Variants in RAPGEF5 observed in about 807,000 individuals in gnomAD.
The protein encoded by RAPGEF5 is Rap guanine nucleotide exchange factor 5.
A neutral mutation model predicts 125.2 loss-of-function variants in RAPGEF5; 65 were observed. The ratio of observed to expected loss-of-function variants is 0.52; its 90% CI spans 0.43 to 0.64. The LOEUF is 0.64. Among genes scored for constraint, RAPGEF5 ranks in the 30% least tolerant of loss-of-function variants. The pLI is 0.00. For missense variants in RAPGEF5, 958 were observed against 1,048.1 expected (o/e 0.91, Z 1.19); for synonymous variants, 391 against 385.9 (o/e 1.01, Z -0.16).
At chr7:22,125,486 T>C (rs1782709281) in intron 25 of RAPGEF5, 118 bp downstream of exon 25, 5 of 915,474 alleles carry the variant, frequency 5.5e-6, no homozygotes, top group East Asian at 4.9e-5. Flanking sequence ...AATATGCGTA[T>C]GTATATACAT....
At chr7:22,152,141 T>C (rs1396853321) in intron 17 of RAPGEF5, among the ~76,000 whole-genome samples, 1 of 152,224 alleles carries the variant, frequency 6.6e-6, no homozygotes, top group Non-Finnish European at 1.5e-5. Flanking sequence ...AAATGCAAAG[T>C]GTTGTTTTGA....
intron 7 of RAPGEF5, among the ~76,000 whole-genome samples, chr7:22,249,222 C>T (rs1422727293): frequency 6.6e-6 from 1 of 152,132 alleles, no homozygotes; most frequent in African/African-American, 2.4e-5. Flanking sequence ...GATGGAATCT[C>T]ACTCTGCCAC....
At chr7:22,270,270 T>C (rs1473875101) in intron 6 of RAPGEF5, among the ~76,000 whole-genome samples, 1 of 152,208 alleles carries the variant, frequency 6.6e-6, no homozygotes, top group Non-Finnish European at 1.5e-5. Context: ...GGCAGTCACC[T>C]AGGTGCTCTC....
intron 23 of RAPGEF5, among the ~76,000 whole-genome samples, chr7:22,131,753 A>G (rs1782921148): frequency 6.6e-6 from 1 of 152,208 alleles, no homozygotes; most frequent in African/African-American, 2.4e-5. Context: ...AGGAAGATAA[A>G]GTTAAATTTG....
rs931447390 is a variant in RAPGEF5, at chr7:22,219,838, C to G, written c.996+28G>C. On this transcript the variant is annotated intron_variant, in intron 9 of 25. Coordinates refer to ENST00000665637, the MANE Select transcript of RAPGEF5 (RefSeq NM_012294.5). Reference sequence around the variant, plus strand: ...AAAAACATTTTCCACCCCTTCAAACCTGCATCCCCAAGAGGCAAAAGGCTT... The same window carrying G: ...AAAAACATTTTCCACCCCTTCAAACGTGCATCCCCAAGAGGCAAAAGGCTT... The G allele has an allele frequency of 1.9e-6, 3 of 1,570,880 alleles. No individual in the cohort carries two copies. The African/African-American group carries it at 4.1e-5, about 21-fold the overall frequency.
At position 22,136,966 on chromosome 7, in the gene RAPGEF5, A is replaced by C. The variant is rs756454857; in HGVS notation, c.2295T>G (p.Phe765Leu). The C allele has an allele frequency of 4.4e-6, 7 of 1,585,886 alleles. No homozygotes were observed. In the East Asian group the frequency reaches 1.6e-4, roughly 36 times the overall value. Residue 765 changes from phenylalanine (F) to leucine (L), a missense_variant, in exon 22 of 26, where the codon TTT becomes TTG. Physicochemically the swap from Phe to Leu is conservative, Grantham distance 22 (BLOSUM62 0). Transcript: ENST00000665637. ...SQTWEKIPGK[F>L]KKLFSELESL... ...TTTCAAGTTCAGAGAAAAGTTTCTT[A>C]AACTTCCCAGGGATTTTCTAAAAAA... is the stretch of plus-strand genomic sequence containing the variant.
chr7:22,271,575 A>G (rs1288059061), intron 6 of RAPGEF5, among the ~76,000 whole-genome samples: 2 of 152,266 alleles, frequency 1.3e-5, no homozygotes, highest in African/African-American at 2.4e-5. Context: ...AATTTAAAAT[A>G]TAGTTTACTC....
intron 6 of RAPGEF5, 26 bp from the exon 7 acceptor site, chr7:22,267,038 C>A: frequency 1.9e-6 from 3 of 1,580,240 alleles, no homozygotes; most frequent in South Asian, 2.3e-5. Flanking sequence ...GGGGGAAAAT[C>A]AAATTAGAAG....
At chr7:22,279,287 G>A (rs1782622918) in intron 6 of RAPGEF5, among the ~76,000 whole-genome samples, 1 of 152,154 alleles carries the variant, frequency 6.6e-6, no homozygotes, top group African/African-American at 2.4e-5. Flanking sequence ...TTTCCTACCT[G>A]TAGATGCTTT....
intron 1 of RAPGEF5, among the ~76,000 whole-genome samples, chr7:22,322,123 TTTTTTC>T (rs903029655): frequency 5.9e-5 from 9 of 151,320 alleles, no homozygotes; most frequent in East Asian, 1.9e-4. Context: ...GTTTTTGGGG[TTTTTTC>T]TTTTTCTTTT....
At chr7:22,282,517 T>C (rs1782696519) in intron 6 of RAPGEF5, among the ~76,000 whole-genome samples, 1 of 152,222 alleles carries the variant, frequency 6.6e-6, no homozygotes, top group Admixed American at 6.5e-5. Flanking sequence ...TTTTAAGTGA[T>C]GATAATGTGG....
chr7:22,285,367 C>A (rs1190691046), intron 6 of RAPGEF5, among the ~76,000 whole-genome samples: 1 of 152,262 alleles, frequency 6.6e-6, no homozygotes, highest in Non-Finnish European at 1.5e-5. Flanking sequence ...CGAAGATTAC[C>A]CCCAGATCTT....
At position 22,266,954 on chromosome 7, in the gene RAPGEF5, G is replaced by A; in HGVS notation, c.796+10C>T. The A allele has an allele frequency of 6.2e-7, 1 of 1,603,192 alleles. No homozygotes were observed. The highest frequency in any genetic ancestry group is 8.5e-7 in the Non-Finnish European group (1 of 1,170,630). ...AGAATCTTCCTCCAGCCCCATAAAAGATGACTTACCAGACTTCCTTGCTTT... is the reference window on the plus strand; with the variant it reads ...AGAATCTTCCTCCAGCCCCATAAAAAATGACTTACCAGACTTCCTTGCTTT... On this transcript the variant is annotated intron_variant, in intron 7 of 25. Transcript: ENST00000665637.
chr7:22,267,806 G>C (rs533541033), intron 6 of RAPGEF5, among the ~76,000 whole-genome samples: 14 of 151,178 alleles, frequency 9.3e-5, no homozygotes, highest in African/African-American at 3.1e-4. Context: ...TCCCCTTCAG[G>C]ACACAAACTC....
chr7:22,180,667 T>C (rs181408622), intron 11 of RAPGEF5, among the ~76,000 whole-genome samples: 3 of 152,332 alleles, frequency 2.0e-5, no homozygotes. Context: ...AAATAACACA[T>C]GTACACTGAA....
At chr7:22,245,243 T>G (rs895980592) in intron 7 of RAPGEF5, among the ~76,000 whole-genome samples, 8 of 152,262 alleles carry the variant, frequency 5.3e-5, no homozygotes, top group African/African-American at 1.9e-4. Context: ...TATAAATAAT[T>G]TTTACCACTC....
At chr7:22,184,216 C>T (rs1031047246) in intron 11 of RAPGEF5, among the ~76,000 whole-genome samples, 6 of 152,068 alleles carry the variant, frequency 3.9e-5, no homozygotes, top group African/African-American at 1.4e-4. Flanking sequence ...ATGCATTTAT[C>T]GTAGTAAATT....
chr7:22,140,146 T>G, intron 20 of RAPGEF5, 31 bp from the exon 21 acceptor site: 1 of 1,513,350 alleles, frequency 6.6e-7, no homozygotes, highest in South Asian at 1.2e-5. Context: ...GAGGACACTT[T>G]GAGGAAACAT....
chr7:22,243,227 T>C (rs761773054), intron 7 of RAPGEF5, among the ~76,000 whole-genome samples: 1 of 152,066 alleles, frequency 6.6e-6, no homozygotes, highest in African/African-American at 2.4e-5. Context: ...CAAAATATAT[T>C]TGGGGATAAA....
Sources: gnomAD v4.1 joint callset for allele counts (sites outside exome capture counted in the v4.1 genomes callset) on GRCh38, gnomAD v4.1.1 for gene constraint, MANE v1.5 for transcripts, NCBI Gene and HGNC (gene_info 2026-07-23, HGNC 2026-07-21) for gene names.